NFASC: variants seen among roughly 807,000 people sequenced by gnomAD.
The protein encoded by NFASC is neurofascin homolog.
NFASC carries 43 observed loss-of-function variants against 147.5 expected under a neutral mutation model. The ratio of observed to expected loss-of-function variants is 0.29; its 90% CI spans 0.23 to 0.38. The LOEUF is 0.38. NFASC is among the 10% of genes least tolerant of loss of function. NFASC has a pLI of 1.00. For synonymous variants in NFASC, 622 were observed against 665.5 expected, an observed-to-expected ratio of 0.93 and a Z score of 1.01; for missense variants, 1,320 against 1,689.0, an observed-to-expected ratio of 0.78 and a Z score of 3.83.
Position 204,957,822 on chromosome 1 carries a change from C to T in NFASC, c.702C>T (p.Leu234=). 1 of 1,614,160 alleles carries T rather than the reference C, an allele frequency of 6.2e-7. No individual in the cohort carries two copies. The highest frequency in any genetic ancestry group is 8.5e-7 in the Non-Finnish European group (1 of 1,180,014). ...AGAACCCTTTCACCCTCAAGGTCCT[C>T]ACCAGTAAGTGAAGGCCCCTGTCCC... ...QQKNPFTLKV[L]TTRGVAERTP... Residue 234 remains leucine, a synonymous_variant, in exon 8 of 30, where the codon CTC becomes CTT. Coordinates refer to ENST00000339876, the MANE Select transcript of NFASC (RefSeq NM_001005388.3).
chr1:204,880,785 G>A (rs902504228), intron 1 of NFASC, among the ~76,000 whole-genome samples: 1 of 152,148 alleles, frequency 6.6e-6, no homozygotes, highest in African/African-American at 2.4e-5. Flanking sequence ...GAGTTCCCAG[G>A]TGTTTCAAAA....
chr1:204,984,277 A>G, intron 21 of NFASC: 1 of 633,794 alleles, frequency 1.6e-6, no homozygotes, highest in South Asian at 1.9e-5. Flanking sequence ...TCAAGAAGAT[A>G]ATGTCTAGGG....
At chr1:204,865,056 A>G (rs2102905986) in intron 1 of NFASC, among the ~76,000 whole-genome samples, 1 of 152,256 alleles carries the variant, frequency 6.6e-6, no homozygotes, top group Admixed American at 6.5e-5. Context: ...TAAGAGTTTT[A>G]TGGTTTTAGC....
At position 204,954,170 on chromosome 1, in the gene NFASC, G is replaced by T; in HGVS notation, c.216-18G>T. 6.2e-7 allele frequency: 1 copy of T among 1,613,518 alleles called. No homozygotes were observed. The highest frequency in any genetic ancestry group is 8.5e-7 in the Non-Finnish European group (1 of 1,179,556). On this transcript the variant is annotated intron_variant, in intron 5 of 29. Transcript: ENST00000339876. The surrounding 1 kb of genome is among the most constrained non-coding windows in gnomAD (Gnocchi z 5.7). Reference sequence around the variant, plus strand: ...CACCCCATTCGTCTTGGTTGCCACTGCTCCCCACTCTCCACAGCTTCCACT... The same window carrying T: ...CACCCCATTCGTCTTGGTTGCCACTTCTCCCCACTCTCCACAGCTTCCACT...
In NFASC at chr1:204,959,198, A is replaced by G. The variant is rs72751472; in HGVS notation, c.706+1372A>G. On this transcript the variant is annotated intron_variant, in intron 8 of 29. Transcript: ENST00000339876. ...TTGGAACTCCATTCTGCCCTCCTCT[A>G]ATCATCGCCTCCTGCCTTGCAGTGT... 2.6e-3 allele frequency among the ~76,000 whole-genome samples: 390 copies of G among 150,588 alleles called. 2 individuals are homozygous for G. The highest frequency in any genetic ancestry group is 7.8e-3 in the South Asian group (37 of 4,760).
chr1:204,979,413 A>C lies in NFASC; in HGVS notation c.2030A>C (p.Asp677Ala). Residue 677 changes from aspartate (D) to alanine (A), a missense_variant, in exon 19 of 30, where the codon GAC (aspartate) becomes GCC (alanine). By Grantham distance (126) the Asp-to-Ala change is moderately radical. Transcript: ENST00000339876. The surrounding 1 kb of genome is among the most constrained non-coding windows in gnomAD (Gnocchi z 6.0). Reference sequence around the variant, plus strand: ...CAGTTCCAACCTGGGGTCTGGCATGACCATTCCAAGTACCCCGGCAGCGTT... The same window carrying C: ...CAGTTCCAACCTGGGGTCTGGCATGCCCATTCCAAGTACCCCGGCAGCGTT... ...EDQFQPGVWH[D>A]HSKYPGSVNS... 1 of 1,614,092 alleles carries C rather than the reference A, an allele frequency of 6.2e-7. No individual in the cohort carries two copies. Among genetic ancestry groups the C allele is most frequent in the Non-Finnish European group, 8.5e-7 (1 of 1,180,010 alleles).
At chr1:204,847,874 G>A (rs1258397019) in intron 1 of NFASC, among the ~76,000 whole-genome samples, 2 of 152,150 alleles carry the variant, frequency 1.3e-5, no homozygotes, top group African/African-American at 4.8e-5. Flanking sequence ...ATTCTGAAGT[G>A]AAAGCTCACA....
intron 1 of NFASC, chr1:204,871,071 G>A (rs1383839000): frequency 1.9e-5 from 25 of 1,289,842 alleles, no homozygotes; most frequent in Non-Finnish European, 2.3e-5. Flanking sequence ...CAGGAGAGAG[G>A]TAGGATGGTC....
intron 25 of NFASC, chr1:204,998,928 A>G (rs756465520): frequency 6.6e-6 from 1 of 152,248 alleles, no homozygotes; most frequent in Non-Finnish European, 1.5e-5. Context: ...GGACCTGGCC[A>G]TGGCCTTGAT....
At chr1:204,962,135 G>T in intron 8 of NFASC, 1 of 1,613,718 alleles carries the variant, frequency 6.2e-7, no homozygotes, top group Non-Finnish European at 8.5e-7. Flanking sequence ...TCGTCCTTAA[G>T]AAACCACCCT....
rs1468914446 is a variant in NFASC, at chr1:204,920,629, C to T, written c.-199-3C>T. ...GGTTCTCCTTTGTGCTTGCTTGAGACAGGTTGATTGACTTATGTGCAATTT... is the reference window on the plus strand; with the variant it reads ...GGTTCTCCTTTGTGCTTGCTTGAGATAGGTTGATTGACTTATGTGCAATTT... On this transcript the variant is annotated splice_region_variant and splice_polypyrimidine_tract_variant and intron_variant, in intron 1 of 29. Coordinates refer to ENST00000339876, the MANE Select transcript of NFASC (RefSeq NM_001005388.3). The T allele has an allele frequency of 1.5e-5, 19 of 1,280,476 alleles. No homozygotes were observed. Among genetic ancestry groups the T allele is most frequent in the Admixed American group, 2.3e-5 (1 of 43,480 alleles). 79.3% of individuals were successfully genotyped at this position (1,280,476 alleles called of 1,614,324 possible). A position where few individuals can be genotyped will look rare whatever the true frequency, so the allele number is the denominator to read the frequency against.
intron 11 of NFASC, among the ~76,000 whole-genome samples, chr1:204,972,242 C>T (rs115004903): frequency 3.3e-5 from 5 of 152,318 alleles, no homozygotes; most frequent in Admixed American, 6.5e-5. Flanking sequence ...ATCTTGAATG[C>T]GTTCATGTAC....
chr1:204,973,285 C>T lies in NFASC; in HGVS notation c.1145C>T (p.Pro382Leu), dbSNP rs1200973383. The part of the protein sequence containing the change: ...VNGEPLQSAP[P>L]NPNREVAGDT... ...TCTTTCTTGTCTGTAGCGGCACCAC[C>T]TAACCCAAACCGTGAGGTGGCCGGA... The change falls in exon 12 of 30, where the codon CCT becomes CTT. Residue 382 changes from proline (P) to leucine (L), a missense_variant. Coordinates refer to ENST00000339876, the MANE Select transcript of NFASC (RefSeq NM_001005388.3). 2 of 1,614,200 alleles carry T rather than the reference C, an allele frequency of 1.2e-6. No homozygotes were observed.
chr1:204,962,166 G>A (rs201480111), intron 8 of NFASC: 16 of 1,610,150 alleles, frequency 9.9e-6, no homozygotes, highest in Admixed American at 1.7e-5. Flanking sequence ...GTGGTGAGTC[G>A]CAGCGGTAAC....
chr1:204,948,638 CCTT>C (rs769100580), intron 3 of NFASC: 11 of 518,946 alleles, frequency 2.1e-5, no homozygotes, highest in Non-Finnish European at 3.8e-5. Flanking sequence ...AGCTGGTTCT[CCTT>C]CTAGCTCTGC....
chr1:204,883,644 G>C (rs2080743750), intron 1 of NFASC, among the ~76,000 whole-genome samples: 1 of 152,244 alleles, frequency 6.6e-6, no homozygotes, highest in Non-Finnish European at 1.5e-5. Context: ...GTCAAAGCAT[G>C]CCTGTAGCTG....
At chr1:204,961,619 C>T (rs2094674282) in intron 8 of NFASC, among the ~76,000 whole-genome samples, 1 of 152,250 alleles carries the variant, frequency 6.6e-6, no homozygotes, top group African/African-American at 2.4e-5. Flanking sequence ...CACCAACCTC[C>T]TGCAGCTTAG....
intron 2 of NFASC, among the ~76,000 whole-genome samples, chr1:204,921,470 T>C (rs2149447592): frequency 6.6e-6 from 1 of 152,316 alleles, no homozygotes; most frequent in African/African-American, 2.4e-5. Flanking sequence ...TGGGCATCTC[T>C]ACCTCATCGA....
chr1:204,984,852 G>A (rs575171856), intron 21 of NFASC, among the ~76,000 whole-genome samples: 3 of 152,238 alleles, frequency 2.0e-5, no homozygotes, highest in East Asian at 1.9e-4. Flanking sequence ...TCTGAGTAGC[G>A]CTAATTAAAA....
Sources: gnomAD v4.1 joint callset for allele counts (sites outside exome capture counted in the v4.1 genomes callset) on GRCh38, gnomAD v4.1.1 for gene constraint, Gnocchi (gnomAD v3.1) non-coding constraint, MANE v1.5 for transcripts, NCBI Gene and HGNC (gene_info 2026-07-23, HGNC 2026-07-21) for gene names.